Variants in SYMPK observed in about 807,000 individuals in gnomAD.
SYMPK encodes the protein symplekin scaffold protein, also known as symplekin.
Under a neutral mutation model 136.4 loss-of-function variants are expected in SYMPK, and 49 were observed. That is an observed-to-expected ratio of 0.36 (90% confidence interval 0.29 to 0.46). The LOEUF (loss-of-function observed/expected upper bound fraction) is 0.46. Among genes scored for constraint, SYMPK ranks in the 20% least tolerant of loss-of-function variants. The probability of loss-of-function intolerance (pLI) is 1.00; values close to 1 mark genes in which losing one functional copy is unlikely to be tolerated. For synonymous variants in SYMPK, 766 were observed against 713.0 expected, an observed-to-expected ratio of 1.07 and a Z score of -1.19; for missense variants, 1,365 against 1,690.0, an observed-to-expected ratio of 0.81 and a Z score of 3.37.
At chr19:45,852,095 T>C (rs1971708311) in intron 5 of SYMPK, among the ~76,000 whole-genome samples, 2 of 152,170 alleles carry the variant, frequency 1.3e-5, no homozygotes, top group Non-Finnish European at 1.5e-5. Flanking sequence ...TCCTTAGTGA[T>C]AATGTAGATG....
At chr19:45,819,266 C>G (rs1600490244) in intron 22 of SYMPK, 1 of 152,452 alleles carries the variant, frequency 6.6e-6, no homozygotes, top group South Asian at 2.1e-4. Context: ...TTGGAAAGCT[C>G]AGACCTGACT....
intron 13 of SYMPK, 68 bp downstream of exon 13, chr19:45,829,986 G>A (rs897126606): frequency 8.1e-6 from 12 of 1,486,506 alleles, no homozygotes; most frequent in South Asian, 2.6e-5. Context: ...CAGACTCTTC[G>A]CTGGATGTGA....
chr19:45,832,256 C>A (rs1208415369), intron 11 of SYMPK, among the ~76,000 whole-genome samples: 1 of 152,168 alleles, frequency 6.6e-6, no homozygotes, highest in Non-Finnish European at 1.5e-5. Flanking sequence ...ATTTTCCCAC[C>A]TCAGCTTCTG....
chr19:45,824,610 A>G (rs561897781), intron 18 of SYMPK, among the ~76,000 whole-genome samples: 1 of 152,268 alleles, frequency 6.6e-6, no homozygotes, highest in Admixed American at 6.5e-5. Flanking sequence ...GTAATCCAAA[A>G]ATGTCAGGGG....
At chr19:45,860,677 T>A (rs1971944641) in intron 1 of SYMPK, among the ~76,000 whole-genome samples, 1 of 152,164 alleles carries the variant, frequency 6.6e-6, no homozygotes, top group South Asian at 2.1e-4. Context: ...AGGGTGTCAC[T>A]CTGTTGCCCA....
chr19:45,815,764 C>A, intron 26 of SYMPK, 67 bp from the exon 27 acceptor site: 1 of 1,590,448 alleles, frequency 6.3e-7, no homozygotes, highest in Non-Finnish European at 8.6e-7. Flanking sequence ...CCCCTTCAGG[C>A]CCTGCCCCCT....
intron 7 of SYMPK, among the ~76,000 whole-genome samples, chr19:45,845,903 C>T (rs1221727118): frequency 6.6e-6 from 1 of 152,170 alleles, no homozygotes; most frequent in Non-Finnish European, 1.5e-5. Flanking sequence ...TGGGGTGAGA[C>T]ATTTCATTGT....
At chr19:45,828,823 GGGA>G in intron 14 of SYMPK, 144 bp downstream of exon 14, 2 of 732,332 alleles carry the variant, frequency 2.7e-6, no homozygotes, top group Non-Finnish European at 2.3e-6. Flanking sequence ...CCTCCAGAGG[GGGA>G]GGAGGAGAGG....
At chr19:45,861,876 C>T (rs1971975392) in intron 1 of SYMPK, 1 of 151,972 alleles carries the variant, frequency 6.6e-6, no homozygotes, top group Admixed American at 6.6e-5. Context: ...GAAACCCCGT[C>T]TCTACTAAAA....
chr19:45,824,959 T>C (rs137962011), intron 18 of SYMPK, among the ~76,000 whole-genome samples: 233 of 152,330 alleles, frequency 1.5e-3, no homozygotes, highest in Admixed American at 3.5e-3. Context: ...AACCCAGGTC[T>C]ATCAGCTCCA....
At chr19:45,853,401 G>C (rs1778661305) in intron 3 of SYMPK, among the ~76,000 whole-genome samples, 2 of 152,142 alleles carry the variant, frequency 1.3e-5, no homozygotes, top group Non-Finnish European at 2.9e-5. Flanking sequence ...AGTTTGCGGG[G>C]GCCAAGGAGG....
rs1018124221 is a variant in SYMPK, at chr19:45,816,150, G to A, written c.3388C>T (p.Pro1130Ser). 7 of 1,547,462 alleles carry A rather than the reference G, an allele frequency of 4.5e-6. No individual in the cohort carries two copies. The Admixed American group carries it at 7.7e-5, about 17-fold the overall frequency. ...AGGTCCTGAGGGGGCCGGGGTGCTG[G>A]GGCCGGGGCCAAGGTCAGGGGCTCC... ...DLEPLTLAPA[P>S]APRPPQDLIG... The change falls in exon 26 of 27, where the codon CCA (proline) becomes TCA (serine). Residue 1130 changes from proline (P) to serine (S), a missense_variant. Coordinates refer to ENST00000245934, the MANE Select transcript of SYMPK (RefSeq NM_004819.3).
At chr19:45,826,445 GGCAA>G in intron 16 of SYMPK, 72 bp from the exon 17 acceptor site, 8 of 1,529,808 alleles carry the variant, frequency 5.2e-6, no homozygotes, top group Non-Finnish European at 7.2e-6. Flanking sequence ...CTGCGAGCAT[GGCAA>G]CACTCACGTG....
chr19:45,847,619 A>G, intron 7 of SYMPK, 133 bp downstream of exon 7: 1 of 1,090,140 alleles, frequency 9.2e-7, no homozygotes, highest in Admixed American at 2.6e-5. Context: ...ACCTAGCACC[A>G]GGGATCTTAA....
chr19:45,816,039 G>A lies in SYMPK; in HGVS notation c.3499C>T (p.Pro1167Ser), dbSNP rs757680507. Reference sequence around the variant, plus strand: ...GAGGGAGAGGGGGAGGAAGAGGAGGGGGCTCCCACTCCTCCCGGCTTCAGC... The same window carrying A: ...GAGGGAGAGGGGGAGGAAGAGGAGGAGGCTCCCACTCCTCCCGGCTTCAGC... ...QKLKPGGVGA[P>S]SSSSPSPSPS... is the part of the protein sequence containing the mutation. Residue 1167 changes from proline to serine, a missense_variant, in exon 26 of 27, where the codon CCC (proline) becomes TCC (serine). By Grantham distance (74) the Pro-to-Ser change is moderately conservative. Around this residue, in one of 11 missense-constraint regions of SYMPK, gnomAD observed 341 missense variants for 270.5 expected, o/e 1.26. Transcript: ENST00000245934. 6 of 1,578,318 alleles carry A rather than the reference G, an allele frequency of 3.8e-6. No homozygotes were observed. The highest frequency in any genetic ancestry group is 1.2e-5 in the South Asian group (1 of 86,940).
At chr19:45,828,590 A>G (rs1200014140) in intron 14 of SYMPK, 21 of 236,710 alleles carry the variant, frequency 8.9e-5, no homozygotes, top group Non-Finnish European at 8.3e-6. Context: ...GCTGGAGGCC[A>G]CGGATAGGGA....
At chr19:45,849,952 G>A (rs1457837522) in intron 5 of SYMPK, among the ~76,000 whole-genome samples, 1 of 152,116 alleles carries the variant, frequency 6.6e-6, no homozygotes, top group Non-Finnish European at 1.5e-5. Flanking sequence ...GGCTGAGGCA[G>A]GAGAATCACT....
At chr19:45,853,483 C>A (rs1013066335) in intron 3 of SYMPK, among the ~76,000 whole-genome samples, 1 of 151,970 alleles carries the variant, frequency 6.6e-6, no homozygotes, top group African/African-American at 2.4e-5. Flanking sequence ...ACTAAAAATA[C>A]AAAAATTAGC....
At position 45,816,582 on chromosome 19, in the gene SYMPK, G is replaced by A; in HGVS notation, c.3259-5C>T. Reference sequence around the variant, plus strand: ...GGAGTTAGGGATGTGAGCTTGCTGGGTGGAGAGCAGGAAGGGGGCGCTGGG... The same window carrying A: ...GGAGTTAGGGATGTGAGCTTGCTGGATGGAGAGCAGGAAGGGGGCGCTGGG... On this transcript the variant is annotated splice_polypyrimidine_tract_variant and splice_region_variant and intron_variant, in intron 24 of 26. Coordinates refer to ENST00000245934, the MANE Select transcript of SYMPK (RefSeq NM_004819.3). The A allele has an allele frequency of 1.2e-6, 2 of 1,613,582 alleles. No individual in the cohort carries two copies. Among genetic ancestry groups the A allele is most frequent in the Non-Finnish European group, 1.7e-6 (2 of 1,179,976 alleles).
Sources: gnomAD v4.1 joint callset for allele counts (sites outside exome capture counted in the v4.1 genomes callset) on GRCh38, gnomAD v4.1.1 for gene constraint, gnomAD v4.1.1 regional missense constraint, MANE v1.5 for transcripts, NCBI Gene and HGNC (gene_info 2026-07-23, HGNC 2026-07-21) for gene names.